CLASP2: variants seen among roughly 807,000 people sequenced by gnomAD.
CLASP2 encodes the protein cytoplasmic linker associated protein 2, also known as CLIP-associating protein 2.
CLASP2 carries 47 observed loss-of-function variants against 194.4 expected under a neutral mutation model. That is an observed-to-expected ratio of 0.24 (90% CI 0.19 to 0.31). The LOEUF (loss-of-function observed/expected upper bound fraction) is 0.31. Among genes scored for constraint, CLASP2 ranks in the 10% least tolerant of loss-of-function variants. The pLI is 1.00. For missense variants in CLASP2, 1,445 were observed against 1,823.6 expected (o/e 0.79, Z 3.78); for synonymous variants, 619 against 633.5 (o/e 0.98, Z 0.34).
At chr3:33,506,433 G>A (rs978112848) in intron 37 of CLASP2, among the ~76,000 whole-genome samples, 3 of 139,464 alleles carry the variant, frequency 2.2e-5, no homozygotes, top group Non-Finnish European at 3.1e-5. Flanking sequence ...AAAATTTGAT[G>A]TATTTTAATT....
chr3:33,693,243 A>G (rs2091535809), intron 2 of CLASP2, among the ~76,000 whole-genome samples: 1 of 152,132 alleles, frequency 6.6e-6, no homozygotes, highest in Non-Finnish European at 1.5e-5. Flanking sequence ...AACTGTATCT[A>G]AAACCAAAAA....
chr3:33,684,216 G>A, intron 6 of CLASP2, 143 bp downstream of exon 6: 1 of 436,566 alleles, frequency 2.3e-6, no homozygotes, highest in East Asian at 4.6e-5. Context: ...TTGCACTCCA[G>A]CCTGGGCAAC....
intron 10 of CLASP2, among the ~76,000 whole-genome samples, chr3:33,622,530 T>C (rs903706910): frequency 2.6e-5 from 4 of 152,192 alleles, no homozygotes; most frequent in Non-Finnish European, 5.9e-5. Context: ...AAACTATAAG[T>C]ATATAAATTC....
intron 12 of CLASP2, among the ~76,000 whole-genome samples, chr3:33,613,155 T>C (rs1383073372): frequency 6.6e-6 from 1 of 152,186 alleles, no homozygotes; most frequent in Non-Finnish European, 1.5e-5. Flanking sequence ...GTACATTACA[T>C]ATTAATTTTT....
At chr3:33,675,510 C>T (rs2088386251) in intron 6 of CLASP2, among the ~76,000 whole-genome samples, 1 of 148,354 alleles carries the variant, frequency 6.7e-6, no homozygotes, top group African/African-American at 2.5e-5. Flanking sequence ...GGAAGCATTC[C>T]CTTTGAAAAC....
chr3:33,525,031 A>G (rs2054142010), intron 34 of CLASP2, among the ~76,000 whole-genome samples: 1 of 152,172 alleles, frequency 6.6e-6, no homozygotes, highest in African/African-American at 2.4e-5. Context: ...TTGGGACACA[A>G]AGTAAGTTTC....
At chr3:33,657,565 G>C (rs1306822146) in intron 7 of CLASP2, among the ~76,000 whole-genome samples, 1 of 150,900 alleles carries the variant, frequency 6.6e-6, no homozygotes, top group Non-Finnish European at 1.5e-5. Flanking sequence ...GCAACATTTA[G>C]GGTTATCTAC....
At chr3:33,685,746 T>A (rs2154345794) in intron 5 of CLASP2, among the ~76,000 whole-genome samples, 1 of 130,210 alleles carries the variant, frequency 7.7e-6, no homozygotes, top group African/African-American at 2.9e-5. Flanking sequence ...TTCTATGAGG[T>A]ACACAGAACA....
At chr3:33,602,436 G>A in intron 18 of CLASP2, 1 of 685,990 alleles carries the variant, frequency 1.5e-6, no homozygotes, top group South Asian at 1.6e-5. Flanking sequence ...GAAGCATGAA[G>A]AAGAGATACG....
At chr3:33,685,228 G>T (rs1260270435) in intron 5 of CLASP2, among the ~76,000 whole-genome samples, 1 of 148,176 alleles carries the variant, frequency 6.7e-6, no homozygotes, top group Non-Finnish European at 1.5e-5. Context: ...TGTAATCCCA[G>T]CTACTTGAGA....
At chr3:33,571,234 C>T (rs1372734687) in intron 25 of CLASP2, among the ~76,000 whole-genome samples, 4 of 141,882 alleles carry the variant, frequency 2.8e-5, no homozygotes, top group Non-Finnish European at 4.6e-5. Flanking sequence ...AGGATGGTCT[C>T]GATCTCCTGA....
At chr3:33,507,538 G>C (rs938908748) in intron 37 of CLASP2, among the ~76,000 whole-genome samples, 3 of 152,162 alleles carry the variant, frequency 2.0e-5, no homozygotes, top group African/African-American at 7.2e-5. Context: ...CTGAAGTGCA[G>C]TGGTATGATT....
chr3:33,713,009 C>G, intron 1 of CLASP2, among the ~76,000 whole-genome samples: 1 of 87,610 alleles, frequency 1.1e-5, no homozygotes, highest in Non-Finnish European at 2.1e-5. Context: ...CAAAACTCCA[C>G]CTCAAAAAAA....
chr3:33,645,308 C>A, intron 7 of CLASP2: 1 of 765,218 alleles, frequency 1.3e-6, no homozygotes, highest in Non-Finnish European at 2.4e-6. Context: ...GCAAATCAGT[C>A]GCCTCATTCC....
intron 1 of CLASP2, among the ~76,000 whole-genome samples, chr3:33,699,158 G>A (rs527639869): frequency 9.9e-5 from 15 of 152,164 alleles, no homozygotes; most frequent in African/African-American, 3.6e-4. Flanking sequence ...CTGAAAATAC[G>A]TTCATACAAA....
At chr3:33,602,497 C>A (rs2072532252) in intron 18 of CLASP2, 3 of 745,262 alleles carry the variant, frequency 4.0e-6, no homozygotes, top group South Asian at 2.9e-5. Flanking sequence ...ATGAAGAAAT[C>A]AAACTGAATA....
At chr3:33,574,355 T>A in intron 24 of CLASP2, 1 of 617,604 alleles carries the variant, frequency 1.6e-6, no homozygotes, top group Non-Finnish European at 2.7e-6. Context: ...AAAATAGATG[T>A]ATGTCTAAGG....
intron 6 of CLASP2, among the ~76,000 whole-genome samples, chr3:33,670,591 G>A (rs762913905): frequency 1.4e-4 from 21 of 152,114 alleles, no homozygotes; most frequent in African/African-American, 2.2e-4. Context: ...ATGGCAAACC[G>A]CCGCACCAAA....
chr3:33,503,331 A>AT (rs1170224892), intron 37 of CLASP2: 1 of 152,092 alleles, frequency 6.6e-6, no homozygotes, highest in Admixed American at 6.6e-5. Flanking sequence ...ACATTCATGT[A>AT]TAACTATTTA....
Sources: gnomAD v4.1 joint callset for allele counts (sites outside exome capture counted in the v4.1 genomes callset) on GRCh38, gnomAD v4.1.1 for gene constraint, MANE v1.5 for transcripts, NCBI Gene and HGNC (gene_info 2026-07-23, HGNC 2026-07-21) for gene names.